The following KANSL1 variants were observed in gnomAD, a reference collection of about 807,000 sequenced individuals.
KANSL1 encodes MLL1/MLL complex subunit KANSL1.
A neutral mutation model predicts 103.6 loss-of-function variants in KANSL1; 22 were observed. That is an observed-to-expected ratio of 0.21 (90% CI 0.15 to 0.30). The LOEUF is 0.30. KANSL1 is among the 10% of genes least tolerant of loss of function. The pLI is 1.00. For synonymous variants in KANSL1, 600 were observed against 527.6 expected (o/e 1.14, Z -1.88); for missense variants, 1,337 against 1,399.8 (o/e 0.96, Z 0.72).
chr17:46,202,797 T>C (rs2047846542), intron 1 of KANSL1, among the ~76,000 whole-genome samples: 1 of 152,250 alleles, frequency 6.6e-6, no homozygotes, highest in Non-Finnish European at 1.5e-5. Context: ...TATTCAATAT[T>C]TTCCACCATA....
At position 46,029,988 on chromosome 17, in the gene KANSL1, C is replaced by A. The variant is rs147415592; in HGVS notation, c.*1488G>T. The A allele has an allele frequency of 6.7e-6, 1 of 149,528 alleles. No individual in the cohort carries two copies. The highest frequency in any genetic ancestry group is 1.5e-5 in the Non-Finnish European group (1 of 67,606). 9.3% of individuals were successfully genotyped at this position (149,528 alleles called of 1,614,324 possible). On this transcript the variant is annotated 3_prime_UTR_variant, in exon 15 of 15. Transcript: ENST00000432791. ...TTTTTAAGCACTAGTCTGTGCTTTG[C>A]GAACAGAATCAAGACATTAACAAAG... is the stretch of plus-strand genomic sequence containing the variant.
intron 3 of KANSL1, among the ~76,000 whole-genome samples, chr17:46,089,000 A>G (rs2079271945): frequency 6.6e-6 from 1 of 152,196 alleles, no homozygotes; most frequent in East Asian, 1.9e-4. Context: ...ATGTTAGAAA[A>G]AAAATGCTTT....
intron 2 of KANSL1, among the ~76,000 whole-genome samples, chr17:46,110,902 T>C (rs1165877193): frequency 6.6e-6 from 1 of 152,096 alleles, no homozygotes; most frequent in Non-Finnish European, 1.5e-5. Context: ...GCAGTAGTAA[T>C]AGGTAGAAAT....
intron 4 of KANSL1, among the ~76,000 whole-genome samples, chr17:46,081,517 CA>C (rs2078987944): frequency 6.6e-6 from 1 of 152,218 alleles, no homozygotes; most frequent in South Asian, 2.1e-4. Flanking sequence ...AGTGTCTTCA[CA>C]TTTATCTCTA....
At chr17:46,195,055 AT>A (rs1427223623), upstream of KANSL1, among the ~76,000 whole-genome samples, 2 of 152,254 alleles carry the variant, frequency 1.3e-5, no homozygotes, top group African/African-American at 4.8e-5. Context: ...TGGATTTTTA[AT>A]TTACAACCCT....
At position 46,031,719 on chromosome 17, in the gene KANSL1, T is replaced by C. The variant is rs1452058935; in HGVS notation, c.3091-16A>G. On this transcript the variant is annotated splice_polypyrimidine_tract_variant and intron_variant, in intron 14 of 14. Transcript: ENST00000432791. ...GCTGGACAGACTGTAGGCAGACAAG[T>C]TGCTCTTTGAGGACCCAGTCCCAGC... 3 of 1,582,224 alleles carry C rather than the reference T, an allele frequency of 1.9e-6. No individual in the cohort carries two copies. The highest frequency in any genetic ancestry group is 1.1e-5 in the South Asian group (1 of 88,520).
At chr17:46,163,117 T>C (rs1349335713) in intron 2 of KANSL1, among the ~76,000 whole-genome samples, 1 of 152,232 alleles carries the variant, frequency 6.6e-6, no homozygotes, top group Non-Finnish European at 1.5e-5. Context: ...ATCATAAATA[T>C]ATCATCTATG....
chr17:46,168,005 C>T (rs1212014302), intron 2 of KANSL1, among the ~76,000 whole-genome samples: 1 of 152,232 alleles, frequency 6.6e-6, no homozygotes, highest in Non-Finnish European at 1.5e-5. Flanking sequence ...CTAGACGAAA[C>T]CTAGCCCACC....
chr17:46,044,375 GCTGT>G (rs967033719), intron 7 of KANSL1: 3 of 152,184 alleles, frequency 2.0e-5, no homozygotes, highest in African/African-American at 7.2e-5. Context: ...GATTCACCTG[GCTGT>G]CTGGCTCCTT....
chr17:46,121,155 G>A (rs1455582256), intron 2 of KANSL1, among the ~76,000 whole-genome samples: 2 of 150,856 alleles, frequency 1.3e-5, no homozygotes, highest in Non-Finnish European at 2.9e-5. Flanking sequence ...CTCTCACTAG[G>A]TTATTATAGT....
At chr17:46,097,160 CTA>C (rs1568444616) in intron 2 of KANSL1, among the ~76,000 whole-genome samples, 1 of 152,154 alleles carries the variant, frequency 6.6e-6, no homozygotes, top group Non-Finnish European at 1.5e-5. Context: ...GGTAAATAAA[CTA>C]TAATTTATTC....
intron 6 of KANSL1, among the ~76,000 whole-genome samples, chr17:46,057,550 TAACA>T (rs1171505129): frequency 6.6e-6 from 1 of 152,152 alleles, no homozygotes; most frequent in African/African-American, 2.4e-5. Flanking sequence ...CAGTGGTTGA[TAACA>T]AACAGTTTAG....
chr17:46,170,172 C>T (rs1007294512), intron 2 of KANSL1: 1 of 150,266 alleles, frequency 6.7e-6, no homozygotes, highest in Non-Finnish European at 1.5e-5. Context: ...CAAAAAACAA[C>T]AAAAAAAACA....
intron 7 of KANSL1, chr17:46,046,115 G>A (rs2077495702): frequency 6.6e-6 from 1 of 152,168 alleles, no homozygotes; most frequent in Non-Finnish European, 1.5e-5. Flanking sequence ...GTAAAAGGAA[G>A]GACAGGCATC....
intron 2 of KANSL1, among the ~76,000 whole-genome samples, chr17:46,109,057 C>G (rs1009818884): frequency 6.6e-6 from 1 of 152,142 alleles, no homozygotes; most frequent in Non-Finnish European, 1.5e-5. Context: ...CAAGCAACCA[C>G]TCTCACCTCA....
chr17:46,205,448 G>A (rs866908991), intron 1 of KANSL1, among the ~76,000 whole-genome samples: 9 of 151,936 alleles, frequency 5.9e-5, no homozygotes, highest in South Asian at 2.1e-4. Context: ...TTGGGAGGCC[G>A]AGGCAGGCGG....
At chr17:46,168,476 C>G (rs989556074) in intron 2 of KANSL1, among the ~76,000 whole-genome samples, 1 of 152,104 alleles carries the variant, frequency 6.6e-6, no homozygotes, top group Admixed American at 6.5e-5. Context: ...GCCTCCAGAG[C>G]AGCTGGATGT....
chr17:46,105,939 ACACACACAC>A (rs1218014138), intron 2 of KANSL1, among the ~76,000 whole-genome samples: 30 of 77,200 alleles, frequency 3.9e-4, no homozygotes, highest in East Asian at 1.1e-3. Context: ...ACACACACAC[ACACACACAC>A]CCCCCCAGAA....
chr17:46,190,847 A>G (rs1271795090), intron 1 of KANSL1, among the ~76,000 whole-genome samples: 1 of 152,252 alleles, frequency 6.6e-6, no homozygotes, highest in Admixed American at 6.5e-5. Context: ...TTCCACATTT[A>G]TAATACATTT....
Sources: allele counts gnomAD v4.1 joint callset (sites outside exome capture counted in the v4.1 genomes callset), GRCh38; gene constraint gnomAD v4.1.1; transcripts MANE v1.5; gene names NCBI Gene and HGNC (gene_info 2026-07-23, HGNC 2026-07-21).